The following FOXP1 variants were observed in gnomAD, a reference collection of about 807,000 sequenced individuals.
FOXP1 encodes forkhead box protein P1.
FOXP1 carries 15 observed loss-of-function variants against 98.2 expected under a neutral mutation model. The ratio of observed to expected loss-of-function variants is 0.15; its 90% confidence interval spans 0.10 to 0.24. The LOEUF (loss-of-function observed/expected upper bound fraction) is 0.24, where lower values mean the gene tolerates loss of function less well. Among genes scored for constraint, FOXP1 ranks in the 10% least tolerant of loss-of-function variants. FOXP1 has a pLI of 1.00. For synonymous variants in FOXP1, 371 were observed against 314.5 expected, an observed-to-expected ratio of 1.18 and a Z score of -1.90; for missense variants, 633 against 848.5, an observed-to-expected ratio of 0.75 and a Z score of 3.15.
intron 2 of FOXP1, among the ~76,000 whole-genome samples, chr3:71,514,635 C>T (rs572868365): frequency 3.3e-5 from 5 of 152,230 alleles, no homozygotes; most frequent in Non-Finnish European, 2.9e-5. Flanking sequence ...GGCTCTCCCC[C>T]CTGTTGGGAA....
At chr3:71,023,584 T>C (rs2045724991) in intron 11 of FOXP1, among the ~76,000 whole-genome samples, 1 of 150,780 alleles carries the variant, frequency 6.6e-6, no homozygotes, top group Admixed American at 6.6e-5. Context: ...ATGATCCTAC[T>C]TTCCCTTTTC....
At chr3:71,290,409 A>C (rs1276524491) in intron 5 of FOXP1, among the ~76,000 whole-genome samples, 2 of 152,204 alleles carry the variant, frequency 1.3e-5, no homozygotes, top group East Asian at 3.8e-4. Context: ...TGTTTAAATA[A>C]ATTCCAAATT....
intron 2 of FOXP1, among the ~76,000 whole-genome samples, chr3:71,499,480 A>C (rs890365776): frequency 6.6e-6 from 1 of 152,266 alleles, no homozygotes; most frequent in African/African-American, 2.4e-5. Flanking sequence ...ACATACAGAC[A>C]TGCAGATATA....
intron 9 of FOXP1, among the ~76,000 whole-genome samples, chr3:71,049,860 C>T (rs1334975307): frequency 6.6e-6 from 1 of 152,142 alleles, no homozygotes; most frequent in Non-Finnish European, 1.5e-5. Flanking sequence ...GTCCCTACCT[C>T]AGGAAACTAC....
At chr3:71,564,658 G>A (rs1004399774) in intron 2 of FOXP1, among the ~76,000 whole-genome samples, 1 of 152,190 alleles carries the variant, frequency 6.6e-6, no homozygotes, top group Non-Finnish European at 1.5e-5. Flanking sequence ...TGCAGGCTGA[G>A]ATTAGCAACA....
chr3:71,277,051 C>A (rs541180623), intron 5 of FOXP1, among the ~76,000 whole-genome samples: 21 of 151,386 alleles, frequency 1.4e-4, no homozygotes, highest in African/African-American at 5.1e-4. Flanking sequence ...CTTCCCCTCC[C>A]GGATTCACGC....
intron 3 of FOXP1, among the ~76,000 whole-genome samples, chr3:71,379,484 T>C (rs947237229): frequency 3.9e-5 from 6 of 152,074 alleles, no homozygotes; most frequent in Non-Finnish European, 7.4e-5. Flanking sequence ...TAGGCAACTA[T>C]AGGCAGCAAG....
intron 3 of FOXP1, among the ~76,000 whole-genome samples, chr3:71,465,774 C>T (rs896642429): frequency 2.0e-5 from 3 of 152,120 alleles, no homozygotes; most frequent in Non-Finnish European, 4.4e-5. Context: ...GTTAGGAAAC[C>T]GGATGCACAA....
chr3:71,332,102 C>G (rs1012067063), intron 4 of FOXP1: 1 of 152,306 alleles, frequency 6.6e-6, no homozygotes, highest in Non-Finnish European at 1.5e-5. Flanking sequence ...CCCTTCCATA[C>G]TGTGGAAGCT....
intron 6 of FOXP1, among the ~76,000 whole-genome samples, chr3:71,120,217 G>A (rs531192745): frequency 2.1e-4 from 32 of 152,284 alleles, no homozygotes; most frequent in African/African-American, 7.7e-4. Context: ...CTATGATACT[G>A]CAAATAAGGG....
At chr3:71,025,710 A>G (rs2046028318) in intron 11 of FOXP1, among the ~76,000 whole-genome samples, 2 of 152,204 alleles carry the variant, frequency 1.3e-5, no homozygotes, top group Admixed American at 1.3e-4. Context: ...AACAAACACC[A>G]ATTTTACATC....
intron 3 of FOXP1, among the ~76,000 whole-genome samples, chr3:71,416,969 GA>G (rs909955028): frequency 6.6e-6 from 1 of 151,850 alleles, no homozygotes; most frequent in South Asian, 2.1e-4. Context: ...TTTGCATTTT[GA>G]AAAAAAATCA....
At chr3:70,994,072 G>C (rs539051918) in intron 13 of FOXP1, among the ~76,000 whole-genome samples, 2 of 151,926 alleles carry the variant, frequency 1.3e-5, no homozygotes, top group South Asian at 4.2e-4. Context: ...AAGGAAATAG[G>C]GTGGTGTGTA....
intron 5 of FOXP1, among the ~76,000 whole-genome samples, chr3:71,256,527 G>A (rs1473146411): frequency 6.6e-6 from 1 of 152,076 alleles, no homozygotes; most frequent in Non-Finnish European, 1.5e-5. Flanking sequence ...GGGACTACAG[G>A]TGCCCACTAT....
chr3:71,180,553 G>T (rs1374690676), intron 6 of FOXP1, among the ~76,000 whole-genome samples: 3 of 151,998 alleles, frequency 2.0e-5, no homozygotes, highest in Non-Finnish European at 1.5e-5. Flanking sequence ...CTCCCCAAAG[G>T]ATACTCTTAG....
intron 7 of FOXP1, among the ~76,000 whole-genome samples, chr3:71,054,959 G>GC (rs2107159786): frequency 6.6e-6 from 1 of 152,014 alleles, no homozygotes; most frequent in South Asian, 2.1e-4. Flanking sequence ...TTTGCACTTT[G>GC]CCTGTGTGCT....
intron 6 of FOXP1, among the ~76,000 whole-genome samples, chr3:71,135,342 G>A (rs1051558303): frequency 1.5e-4 from 23 of 151,890 alleles, no homozygotes; most frequent in Admixed American, 1.4e-3. Context: ...ACCAAAAGGA[G>A]GGGAGACCAA....
intron 2 of FOXP1, among the ~76,000 whole-genome samples, chr3:71,512,963 C>A (rs914515789): frequency 6.6e-6 from 1 of 152,186 alleles, no homozygotes; most frequent in Admixed American, 6.5e-5. Context: ...CATCTCCTTA[C>A]ACGGCAAACA....
intron 3 of FOXP1, among the ~76,000 whole-genome samples, chr3:71,460,955 G>A (rs2088033789): frequency 6.6e-6 from 1 of 152,072 alleles, no homozygotes; most frequent in Non-Finnish European, 1.5e-5. Flanking sequence ...GAATAGCTCT[G>A]ACAAGCTGAA....
Sources: gnomAD v4.1 joint callset for allele counts (sites outside exome capture counted in the v4.1 genomes callset) on GRCh38, gnomAD v4.1.1 for gene constraint, MANE v1.5 for transcripts, NCBI Gene and HGNC (gene_info 2026-07-23, HGNC 2026-07-21) for gene names.